CACNA1B: variants seen among roughly 807,000 people sequenced by gnomAD.
The protein encoded by CACNA1B is calcium voltage-gated channel subunit alpha1 B, also known as voltage-dependent N-type calcium channel subunit alpha-1B.
Under a neutral mutation model 247.2 loss-of-function variants are expected in CACNA1B, and 70 were observed. The observed-to-expected ratio is 0.28, with a 90% CI of 0.23 to 0.35. The LOEUF (loss-of-function observed/expected upper bound fraction) is 0.35. CACNA1B is among the 10% of genes least tolerant of loss of function. The pLI is 1.00. For synonymous variants in CACNA1B, 1,231 were observed against 1,294.4 expected, an observed-to-expected ratio of 0.95 and a Z score of 1.05; for missense variants, 2,367 against 3,197.4, an observed-to-expected ratio of 0.74 and a Z score of 6.26.
intron 20 of CACNA1B, among the ~76,000 whole-genome samples, chr9:138,029,099 T>A (rs944847256): frequency 2.0e-5 from 3 of 152,234 alleles, no homozygotes; most frequent in African/African-American, 4.8e-5. Flanking sequence ...TACTTTTTTT[T>A]AACATAAATG....
intron 10 of CACNA1B, among the ~76,000 whole-genome samples, chr9:137,960,810 G>C (rs1958013064): frequency 6.6e-6 from 1 of 152,142 alleles, no homozygotes; most frequent in Non-Finnish European, 1.5e-5. Flanking sequence ...GTGGTATAAG[G>C]GTCTCTCTGG....
At position 138,121,588 on chromosome 9, in the gene CACNA1B, C is replaced by T. The variant is rs199729513; in HGVS notation, c.6609C>T (p.Tyr2203=). Residue 2203 remains tyrosine, a synonymous_variant, in exon 47 of 47, where the codon TAC becomes TAT. Transcript: ENST00000371372. This position sits in a 1 kb window ranked among gnomAD's most constrained non-coding sequence, Gnocchi z 6.8. The part of the protein sequence containing the change: ...TPLTPRPSIT[Y]KTANSSPIHF... ...TGACTCCCCGCCCCAGCATCACCTA[C>T]AAGACGGCCAACTCCTCACCCATCC... 11 of 1,612,796 alleles carry T rather than the reference C, an allele frequency of 6.8e-6. No individual in the cohort carries two copies. The highest frequency in any genetic ancestry group is 9.3e-6 in the Non-Finnish European group (11 of 1,179,272).
At chr9:138,077,559 G>C (rs1960370912) in intron 35 of CACNA1B, among the ~76,000 whole-genome samples, 1 of 152,252 alleles carries the variant, frequency 6.6e-6, no homozygotes, top group African/African-American at 2.4e-5. Context: ...CCTGTGCTTA[G>C]TGGACCTGCT....
In CACNA1B at chr9:138,105,743, T is replaced by C; in HGVS notation, c.5364T>C (p.Thr1788=). The part of the protein sequence containing the change: ...MNMPISNEDM[T]VHFTSTLMAL... The stretch of plus-strand genomic sequence containing the variant: ...TGCCCATCTCCAACGAGGACATGAC[T>C]GTTCACTTCACGTCCACGCTGATGG... The change falls in exon 39 of 47, where the codon ACT becomes ACC. Residue 1788 remains threonine (T), a synonymous_variant. Transcript: ENST00000371372. 1 of 1,567,544 alleles carries C rather than the reference T, an allele frequency of 6.4e-7. No homozygotes were observed. Among genetic ancestry groups the C allele is most frequent in the Admixed American group, 1.9e-5 (1 of 53,604 alleles).
intron 15 of CACNA1B, among the ~76,000 whole-genome samples, chr9:137,995,450 A>G (rs907857250): frequency 6.6e-6 from 1 of 152,220 alleles, no homozygotes; most frequent in Non-Finnish European, 1.5e-5. Context: ...ACCCTATTCA[A>G]CAAATGGTGC....
rs1274950024 is a variant in CACNA1B, at chr9:138,073,270, C to T, written c.4675-218C>T. The stretch of plus-strand genomic sequence containing the variant: ...AGCCAAGGAGGTTTTCTCTGATTTG[C>T]TGCATGAGAAGTGATTTGCAAGGAC... On this transcript the variant is annotated intron_variant, in intron 32 of 46. Coordinates refer to ENST00000371372, the MANE Select transcript of CACNA1B (RefSeq NM_000718.4). The surrounding 1 kb of genome is among the most constrained non-coding windows in gnomAD (Gnocchi z 6.4). Among the ~76,000 whole-genome samples, 4 of 152,200 alleles carry T rather than the reference C, an allele frequency of 2.6e-5. No homozygotes were observed. Among genetic ancestry groups the T allele is most frequent in the Admixed American group, 6.5e-5 (1 of 15,280 alleles).
chr9:137,975,490 G>A (rs1958208725), intron 11 of CACNA1B, among the ~76,000 whole-genome samples: 1 of 152,214 alleles, frequency 6.6e-6, no homozygotes, highest in African/African-American at 2.4e-5. Context: ...AGAGATTGGG[G>A]TGAGGCCAGA....
intron 18 of CACNA1B, among the ~76,000 whole-genome samples, chr9:138,021,279 G>A (rs1438583205): frequency 1.3e-5 from 2 of 152,138 alleles, no homozygotes; most frequent in Non-Finnish European, 2.9e-5. Flanking sequence ...TGAGGCTGGG[G>A]GTCTGCAGAC....
At chr9:138,056,004 C>T (rs1052528138) in intron 26 of CACNA1B, among the ~76,000 whole-genome samples, 3 of 151,134 alleles carry the variant, frequency 2.0e-5, no homozygotes, top group Non-Finnish European at 4.4e-5. Flanking sequence ...CCAGCCCGGG[C>T]GACAGTGTAA....
intron 31 of CACNA1B, among the ~76,000 whole-genome samples, chr9:138,069,115 G>T (rs1960032541): frequency 6.6e-6 from 1 of 152,200 alleles, no homozygotes; most frequent in African/African-American, 2.4e-5. Context: ...CTCCTGTTCT[G>T]CCTGGAGGAG....
chr9:138,100,960 G>T lies in CACNA1B; in HGVS notation c.5223-1751G>T. ...GGGGAGCTCCAAGCCCCAGTACCCCGGCGAGGTGCCACCTGTCCAGTGCAC... is the reference window on the plus strand; with the variant it reads ...GGGGAGCTCCAAGCCCCAGTACCCCTGCGAGGTGCCACCTGTCCAGTGCAC... On this transcript the variant is annotated intron_variant, in intron 37 of 46. Transcript: ENST00000371372. This position sits in a 1 kb window ranked among gnomAD's most constrained non-coding sequence, Gnocchi z 4.6. 1 of 403,090 alleles carries T rather than the reference G, an allele frequency of 2.5e-6. No individual in the cohort carries two copies. Among genetic ancestry groups the T allele is most frequent in the South Asian group, 1.8e-5 (1 of 54,360 alleles). The allele number at this position is 403,090 out of a possible 1,614,324, so 25.0% of individuals were successfully genotyped here.
intron 31 of CACNA1B, among the ~76,000 whole-genome samples, chr9:138,061,577 C>A (rs1439535777): frequency 1.3e-5 from 2 of 152,166 alleles, no homozygotes; most frequent in Admixed American, 1.3e-4. Flanking sequence ...AGTGGTGTTG[C>A]GTTAGATGAT....
Position 137,954,869 on chromosome 9 carries a change from T to TGTGTGTGTGTGTGTGTGTGTGG in CACNA1B, c.1071-818_1071-817insTGTGTGTGTGGGTGTGTGTGTG. On this transcript the variant is annotated intron_variant, in intron 7 of 46. Transcript: ENST00000371372. This position sits in a 1 kb window ranked among gnomAD's most constrained non-coding sequence, Gnocchi z 4.1. ...CAACTCAGAAGCTTGTGTGTGTGTG[T>TGTGTGTGTGTGTGTGTGTGTGG]GTGTGTGTGTGAGAGAGAGAGAGAG... Among the ~76,000 whole-genome samples, 1 of 150,448 alleles carries TGTGTGTGTGTGTGTGTGTGTGG rather than the reference T, an allele frequency of 6.6e-6. No individual in the cohort carries two copies. Among genetic ancestry groups the TGTGTGTGTGTGTGTGTGTGTGG allele is most frequent in the African/African-American group, 2.5e-5 (1 of 40,524 alleles).
At chr9:137,886,337 C>T (rs536494762) in intron 3 of CACNA1B, among the ~76,000 whole-genome samples, 2 of 152,070 alleles carry the variant, frequency 1.3e-5, no homozygotes, top group African/African-American at 2.4e-5. Context: ...CCTCAGGCCA[C>T]GGGGAGGAGG....
At chr9:137,989,123 A>G (rs2133386171) in intron 15 of CACNA1B, among the ~76,000 whole-genome samples, 1 of 152,352 alleles carries the variant, frequency 6.6e-6, no homozygotes, top group Non-Finnish European at 1.5e-5. Flanking sequence ...TAACAGAACA[A>G]ACACAGGTGA....
At chr9:137,912,089 G>T (rs2133275788) in intron 3 of CACNA1B, among the ~76,000 whole-genome samples, 1 of 152,306 alleles carries the variant, frequency 6.6e-6, no homozygotes, top group African/African-American at 2.4e-5. Context: ...CTTTAGTTGT[G>T]TAATGTTTCA....
rs774058649 is a variant in CACNA1B at position 138,114,458 on chromosome 9, C to G, written c.5617C>G (p.Gln1873Glu). Residue 1873 changes from glutamine to glutamate, a missense_variant, in exon 41 of 47, where the codon CAG becomes GAG. By Grantham distance (29) the Gln-to-Glu change is conservative. Transcript: ENST00000371372. ...CAAGCAGAACAAAACCACCAGAGAC[C>G]AGATGCAGCAGGCTCCTGGAGGCCT... ...FYKQNKTTRD[Q>E]MQQAPGGLSQ... The G allele has an allele frequency of 5.7e-6, 9 of 1,584,846 alleles. No homozygotes were observed. Among genetic ancestry groups the G allele is most frequent in the Non-Finnish European group, 7.7e-6 (9 of 1,164,506 alleles).
chr9:137,960,399 TGGGGGGGAGGGGGAGGGGAGGTCA>T, intron 10 of CACNA1B, among the ~76,000 whole-genome samples: 1 of 32,234 alleles, frequency 3.1e-5, no homozygotes, highest in Non-Finnish European at 6.0e-5. Flanking sequence ...TTGGCCTGAC[TGGGGGGGAGGGGGAGGGGAGGTCA>T]GCCTGAGAGA....
chr9:138,119,461 C>T (rs1047355406), intron 44 of CACNA1B, among the ~76,000 whole-genome samples: 1 of 152,144 alleles, frequency 6.6e-6, no homozygotes, highest in African/African-American at 2.4e-5. Flanking sequence ...CAAAAGTGAC[C>T]GGAGCCCCCG....
Sources: gnomAD v4.1 joint callset for allele counts (sites outside exome capture counted in the v4.1 genomes callset) on GRCh38, gnomAD v4.1.1 for gene constraint, Gnocchi (gnomAD v3.1) non-coding constraint, MANE v1.5 for transcripts, NCBI Gene and HGNC (gene_info 2026-07-23, HGNC 2026-07-21) for gene names.